Variants in SYNPR observed in about 807,000 individuals in gnomAD.
The protein encoded by SYNPR is synaptoporin.
Under a neutral mutation model 32.9 loss-of-function variants are expected in SYNPR, and 23 were observed. The ratio of observed to expected loss-of-function variants is 0.70; its 90% confidence interval spans 0.50 to 0.99. The LOEUF (loss-of-function observed/expected upper bound fraction) is 0.99. SYNPR is among the 50% of genes least tolerant of loss of function. The pLI, the probability that SYNPR is intolerant of heterozygous loss-of-function variation, is 0.00. For missense variants in SYNPR, 318 were observed against 349.3 expected (o/e 0.91, Z 0.71); for synonymous variants, 146 against 135.9 (o/e 1.07, Z -0.52).
At chr3:63,386,472 G>A (rs911680195) in intron 2 of SYNPR, among the ~76,000 whole-genome samples, 1 of 152,156 alleles carries the variant, frequency 6.6e-6, no homozygotes, top group Non-Finnish European at 1.5e-5. Context: ...TGTTCAGATG[G>A]CATTCTTAAT....
At chr3:63,242,542 C>T (rs556648098) in intron 1 of SYNPR, among the ~76,000 whole-genome samples, 1 of 152,238 alleles carries the variant, frequency 6.6e-6, no homozygotes, top group South Asian at 2.1e-4. Flanking sequence ...GGAACAGAAA[C>T]TCCTGGTGGA....
At chr3:63,462,840 A>C (rs1162571201) in intron 2 of SYNPR, among the ~76,000 whole-genome samples, 1 of 152,146 alleles carries the variant, frequency 6.6e-6, no homozygotes, top group Non-Finnish European at 1.5e-5. Flanking sequence ...ACACCATAAA[A>C]TTTTGATGCC....
intron 2 of SYNPR, among the ~76,000 whole-genome samples, chr3:63,422,468 G>A (rs71298651): frequency 6.6e-6 from 1 of 152,188 alleles, no homozygotes; most frequent in Non-Finnish European, 1.5e-5. Context: ...AGGAAACTTA[G>A]AGGTGACGGA....
At chr3:63,377,571 TAAAAAAATTAGAATCAA>T (rs2087910760) in intron 2 of SYNPR, among the ~76,000 whole-genome samples, 1 of 152,004 alleles carries the variant, frequency 6.6e-6, no homozygotes, top group South Asian at 2.1e-4. Context: ...AATAAAAGGT[TAAAAAAATTAGAATCAA>T]CCAGCAAGGA....
chr3:63,593,880 T>C (rs1305823879), intron 4 of SYNPR, among the ~76,000 whole-genome samples: 2 of 152,128 alleles, frequency 1.3e-5, no homozygotes, highest in African/African-American at 2.4e-5. Flanking sequence ...CAGATCTCCC[T>C]TGGCTGGTCT....
upstream of SYNPR, chr3:63,278,188 GCCTCGCCCACCT>G (rs2086593838): frequency 2.1e-5 from 5 of 242,598 alleles, no homozygotes; most frequent in South Asian, 4.9e-4. Context: ...TGTGGGCCCT[GCCTCGCCCACCT>G]CCTCGCCCTC....
At chr3:63,375,679 C>A (rs1374237054) in intron 2 of SYNPR, among the ~76,000 whole-genome samples, 3 of 152,044 alleles carry the variant, frequency 2.0e-5, no homozygotes, top group African/African-American at 7.3e-5. Flanking sequence ...TGTAACAAAC[C>A]TGCACGTTGT....
intron 2 of SYNPR, among the ~76,000 whole-genome samples, chr3:63,313,244 G>A (rs1419977310): frequency 6.6e-6 from 1 of 151,644 alleles, no homozygotes; most frequent in East Asian, 2.0e-4. Context: ...TTTTTTACTG[G>A]GGTACGGGTG....
chr3:63,283,523 C>T (rs963617158), intron 2 of SYNPR, among the ~76,000 whole-genome samples: 1 of 152,066 alleles, frequency 6.6e-6, no homozygotes, highest in African/African-American at 2.4e-5. Flanking sequence ...ATCTTTTAAA[C>T]CATCATTTGG....
chr3:63,524,024 T>C (rs571945043), intron 3 of SYNPR, among the ~76,000 whole-genome samples: 1 of 152,084 alleles, frequency 6.6e-6, no homozygotes, highest in African/African-American at 2.4e-5. Context: ...TTTCCATAAC[T>C]GCATCCAAAA....
chr3:63,461,683 G>A (rs986538278), intron 2 of SYNPR, among the ~76,000 whole-genome samples: 1 of 151,670 alleles, frequency 6.6e-6, no homozygotes, highest in East Asian at 2.0e-4. Flanking sequence ...AGATAAGAAG[G>A]GTGTCTCTGG....
chr3:63,382,613 T>C (rs2087986583), intron 2 of SYNPR, among the ~76,000 whole-genome samples: 1 of 152,198 alleles, frequency 6.6e-6, no homozygotes, highest in Non-Finnish European at 1.5e-5. Context: ...ATCTGAGATG[T>C]ATGAGGCAAA....
At chr3:63,505,966 G>A (rs75106678) in intron 3 of SYNPR, among the ~76,000 whole-genome samples, 3,185 of 151,816 alleles carry the variant, frequency 0.021, 116 homozygotes, top group African/African-American at 0.072. Context: ...ACCTCTACCC[G>A]CCGATAAATA....
intron 3 of SYNPR, among the ~76,000 whole-genome samples, chr3:63,533,009 C>T (rs1167704952): frequency 1.3e-5 from 2 of 152,168 alleles, no homozygotes; most frequent in Non-Finnish European, 2.9e-5. Context: ...ATTAATCTCT[C>T]GCCTTTGTGT....
chr3:63,469,095 T>A lies in SYNPR; in HGVS notation c.85-11737T>A, dbSNP rs1221777585. On this transcript the variant is annotated intron_variant, in intron 2 of 5. Coordinates refer to ENST00000478300, the MANE Select transcript of SYNPR (RefSeq NM_001130003.2). ...AAATATTTAAATTTTAAAAAAGACA[T>A]GCCAAATGTATTGAATTCAGCCAGA... 2.0e-5 allele frequency among the ~76,000 whole-genome samples: 3 copies of A among 152,260 alleles called. No homozygotes were observed. In the Middle Eastern group the frequency reaches 0.01, roughly 518 times the overall value.
intron 2 of SYNPR, among the ~76,000 whole-genome samples, chr3:63,430,858 G>C (rs1391315460): frequency 6.6e-6 from 1 of 152,164 alleles, no homozygotes; most frequent in Non-Finnish European, 1.5e-5. Context: ...AGTGTCACAG[G>C]CAGTAGCTGG....
chr3:63,606,239 T>C (rs1203424874), intron 4 of SYNPR, among the ~76,000 whole-genome samples: 1 of 152,018 alleles, frequency 6.6e-6, no homozygotes, highest in Non-Finnish European at 1.5e-5. Context: ...AGAAACTTAG[T>C]TATATTACTG....
At chr3:63,244,577 A>G (rs1324916795) in intron 1 of SYNPR, among the ~76,000 whole-genome samples, 1 of 152,068 alleles carries the variant, frequency 6.6e-6, no homozygotes, top group African/African-American at 2.4e-5. Flanking sequence ...TGAGCTTGGT[A>G]GTCAGTGTTG....
At chr3:63,442,445 CT>C (rs1304822090) in intron 2 of SYNPR, among the ~76,000 whole-genome samples, 1 of 152,132 alleles carries the variant, frequency 6.6e-6, no homozygotes, top group Non-Finnish European at 1.5e-5. Flanking sequence ...CGGTATCTGC[CT>C]TGGGGAAACA....
Sources: allele counts gnomAD v4.1 joint callset (sites outside exome capture counted in the v4.1 genomes callset), GRCh38; gene constraint gnomAD v4.1.1; transcripts MANE v1.5; gene names NCBI Gene and HGNC (gene_info 2026-07-23, HGNC 2026-07-21).